The following NHERF1 variants were observed in gnomAD, a reference collection of about 807,000 sequenced individuals.
The protein encoded by NHERF1 is Na(+)/H(+) exchange regulatory cofactor NHE-RF1.
chr17:74,767,299 C>T, the NHERF1 span, among the ~76,000 whole-genome samples: 2 of 151,550 alleles, frequency 1.3e-5, no homozygotes, highest in South Asian at 2.1e-4. Context: ...TGTCTGGCCA[C>T]GGGCAGCCGG....
chr17:74,751,346 C>T, the NHERF1 span, among the ~76,000 whole-genome samples: 2 of 152,230 alleles, frequency 1.3e-5, no homozygotes, highest in African/African-American at 2.4e-5. This position sits in a 1 kb window ranked among gnomAD's most constrained non-coding sequence, Gnocchi z 4.3. Flanking sequence ...TTCTAAAACA[C>T]ACCCGTTTCC....
the NHERF1 span, among the ~76,000 whole-genome samples, chr17:74,752,129 T>C: frequency 6.6e-6 from 1 of 152,168 alleles, no homozygotes; most frequent in African/African-American, 2.4e-5. Flanking sequence ...CGATGGTCAC[T>C]GTGGGTTAAG....
the NHERF1 span, among the ~76,000 whole-genome samples, chr17:74,760,082 G>A: frequency 3.9e-5 from 6 of 152,200 alleles, no homozygotes; most frequent in African/African-American, 1.2e-4. The surrounding 1 kb of genome is among the most constrained non-coding windows in gnomAD (Gnocchi z 4.5). Flanking sequence ...TCCTGGTGAC[G>A]GCGACTGGTC....
the NHERF1 span, chr17:74,749,187 A>T: frequency 6.5e-7 from 1 of 1,528,862 alleles, no homozygotes; most frequent in African/African-American, 1.4e-5. The surrounding 1 kb of genome is among the most constrained non-coding windows in gnomAD (Gnocchi z 5.6). Flanking sequence ...CTGCGCGCCC[A>T]GGAAGCGCCG....
At chr17:74,769,067 C>A in the NHERF1 span, 1 of 216,304 alleles carries the variant, frequency 4.6e-6, no homozygotes, top group Non-Finnish European at 9.3e-6. Context: ...GTGGACAGGG[C>A]ATCTGTTACC....
chr17:74,762,496 C>T, the NHERF1 span, among the ~76,000 whole-genome samples: 4 of 152,088 alleles, frequency 2.6e-5, no homozygotes, highest in Non-Finnish European at 5.9e-5. The surrounding 1 kb of genome is among the most constrained non-coding windows in gnomAD (Gnocchi z 4.2). Flanking sequence ...TCCCTGCTGC[C>T]AGGCACACAG....
chr17:74,763,298 C>G, the NHERF1 span: 1 of 1,490,630 alleles, frequency 6.7e-7, no homozygotes, highest in African/African-American at 1.4e-5. Flanking sequence ...CTGCCCCCAA[C>G]CCCCCTCCAC....
At chr17:74,767,933 G>C in the NHERF1 span, 2 of 672,282 alleles carry the variant, frequency 3.0e-6, no homozygotes, top group Non-Finnish European at 5.5e-6. Context: ...CATCCCTCCA[G>C]CCTGAGCAGT....
the NHERF1 span, chr17:74,763,582 C>G: frequency 3.3e-6 from 5 of 1,523,182 alleles, no homozygotes; most frequent in Non-Finnish European, 4.5e-6. Flanking sequence ...GGGATGTGAG[C>G]CAGGGCTAAG....
At chr17:74,764,953 A>G in the NHERF1 span, among the ~76,000 whole-genome samples, 69 of 152,294 alleles carry the variant, frequency 4.5e-4, 1 homozygote, top group East Asian at 0.012. The surrounding 1 kb of genome is among the most constrained non-coding windows in gnomAD (Gnocchi z 4.9). Flanking sequence ...AGAGTCAGGT[A>G]TCTCTGGCTG....
At chr17:74,767,059 A>G in the NHERF1 span, 1 of 1,374,558 alleles carries the variant, frequency 7.3e-7, no homozygotes, top group African/African-American at 1.4e-5. Flanking sequence ...TTGGTAGGAT[A>G]GCCATCTGAC....
chr17:74,751,322 G>GT, the NHERF1 span, among the ~76,000 whole-genome samples: 6 of 152,212 alleles, frequency 3.9e-5, no homozygotes, highest in Non-Finnish European at 8.8e-5. This position sits in a 1 kb window ranked among gnomAD's most constrained non-coding sequence, Gnocchi z 4.3. Flanking sequence ...AACAGACATT[G>GT]TAAGAGTTCG....
the NHERF1 span, among the ~76,000 whole-genome samples, chr17:74,758,152 G>A: frequency 6.6e-6 from 1 of 152,252 alleles, no homozygotes; most frequent in Non-Finnish European, 1.5e-5. This position sits in a 1 kb window ranked among gnomAD's most constrained non-coding sequence, Gnocchi z 4.3. Context: ...CCCAGAGACG[G>A]TCACTGGGAT....
chr17:74,755,223 A>T, the NHERF1 span, among the ~76,000 whole-genome samples: 2 of 152,270 alleles, frequency 1.3e-5, no homozygotes, highest in South Asian at 4.1e-4. Context: ...TCCTGTAAGG[A>T]TCCAGGGCTT....
the NHERF1 span, among the ~76,000 whole-genome samples, chr17:74,753,967 C>G: frequency 1.5e-3 from 229 of 152,194 alleles, no homozygotes; most frequent in Non-Finnish European, 2.9e-3. Flanking sequence ...AGTTCAAGAC[C>G]AGCCTGGCCA....
the NHERF1 span, chr17:74,749,351 T>G: frequency 2.1e-5 from 29 of 1,405,524 alleles, no homozygotes; most frequent in Non-Finnish European, 2.7e-5. The surrounding 1 kb of genome is among the most constrained non-coding windows in gnomAD (Gnocchi z 5.6). Flanking sequence ...GAGACCCAGG[T>G]GCCCCGGCCG....
At chr17:74,768,988 T>G in the NHERF1 span, 1 of 386,056 alleles carries the variant, frequency 2.6e-6, no homozygotes, top group Non-Finnish European at 4.8e-6. Flanking sequence ...GCACCCTCCC[T>G]TCCTCCCCCA....
chr17:74,761,497 A>T, the NHERF1 span, among the ~76,000 whole-genome samples: 1 of 152,136 alleles, frequency 6.6e-6, no homozygotes, highest in South Asian at 2.1e-4. The surrounding 1 kb of genome is among the most constrained non-coding windows in gnomAD (Gnocchi z 4.3). Flanking sequence ...CTGTAAACAC[A>T]CTGACCAGCT....
chr17:74,762,210 C>T, the NHERF1 span: 1 of 1,609,712 alleles, frequency 6.2e-7, no homozygotes, highest in East Asian at 2.2e-5. This position sits in a 1 kb window ranked among gnomAD's most constrained non-coding sequence, Gnocchi z 4.2. Flanking sequence ...TGACTGCCCC[C>T]ACCCCCTGCA....
Sources: gnomAD v4.1 joint callset for allele counts (sites outside exome capture counted in the v4.1 genomes callset) on GRCh38, gnomAD v4.1.1 for gene constraint, Gnocchi (gnomAD v3.1) non-coding constraint, MANE v1.5 for transcripts, NCBI Gene and HGNC (gene_info 2026-07-23, HGNC 2026-07-21) for gene names.